The following ARHGAP24 variants were observed in gnomAD, a reference collection of about 807,000 sequenced individuals.
The protein encoded by ARHGAP24 is Rho GTPase activating protein 24, also known as rho GTPase-activating protein 24.
A neutral mutation model predicts 76.4 loss-of-function variants in ARHGAP24; 50 were observed. That is an observed-to-expected ratio of 0.65 (90% CI 0.52 to 0.83). ARHGAP24 has a LOEUF of 0.83. ARHGAP24 is among the 40% of genes least tolerant of loss of function. The pLI, the probability that ARHGAP24 is intolerant of heterozygous loss-of-function variation, is 0.00. For missense variants in ARHGAP24, 930 were observed against 914.2 expected, an observed-to-expected ratio of 1.02 and a Z score of -0.22; for synonymous variants, 345 against 323.3, an observed-to-expected ratio of 1.07 and a Z score of -0.72.
chr4:85,738,176 C>T (rs1359170945), intron 3 of ARHGAP24, among the ~76,000 whole-genome samples: 1 of 152,102 alleles, frequency 6.6e-6, no homozygotes, highest in Admixed American at 6.5e-5. Flanking sequence ...CCACCTTGGC[C>T]TCCCAGAGTA....
chr4:85,546,423 C>G (rs1361048540), intron 1 of ARHGAP24, among the ~76,000 whole-genome samples: 1 of 152,116 alleles, frequency 6.6e-6, no homozygotes, highest in Non-Finnish European at 1.5e-5. Context: ...CCTTTTACCT[C>G]TATGAGTTTT....
At chr4:85,861,873 A>T (rs1371673412) in intron 3 of ARHGAP24, among the ~76,000 whole-genome samples, 2 of 151,996 alleles carry the variant, frequency 1.3e-5, no homozygotes, top group Non-Finnish European at 2.9e-5. Flanking sequence ...TATACTTCTT[A>T]CACACAACAC....
intron 2 of ARHGAP24, among the ~76,000 whole-genome samples, chr4:85,719,459 G>A (rs559814947): frequency 2.0e-5 from 3 of 152,254 alleles, no homozygotes; most frequent in Admixed American, 2.0e-4. Context: ...AAGCCCAGAA[G>A]GAGGGAAATG....
intron 2 of ARHGAP24, among the ~76,000 whole-genome samples, chr4:85,683,123 G>T (rs1302785849): frequency 9.8e-5 from 11 of 112,480 alleles, no homozygotes; most frequent in Non-Finnish European, 1.3e-4. Context: ...GGGGTGGGGG[G>T]GGGGTGCGGG....
At chr4:85,957,779 A>G (rs555547403) in intron 5 of ARHGAP24, among the ~76,000 whole-genome samples, 2 of 152,368 alleles carry the variant, frequency 1.3e-5, no homozygotes, top group South Asian at 4.1e-4. Flanking sequence ...ACAGGCTTTA[A>G]GGAAAAATAT....
At chr4:85,880,775 C>T (rs1225277057) in intron 3 of ARHGAP24, among the ~76,000 whole-genome samples, 1 of 152,100 alleles carries the variant, frequency 6.6e-6, no homozygotes, top group Non-Finnish European at 1.5e-5. Context: ...GTGATCCGCC[C>T]GCCTCGGCCT....
chr4:85,646,140 G>A (rs1431566964), intron 2 of ARHGAP24, among the ~76,000 whole-genome samples: 1 of 151,926 alleles, frequency 6.6e-6, no homozygotes, highest in East Asian at 1.9e-4. Flanking sequence ...CATTATCATT[G>A]ATTAGTATTT....
At chr4:85,707,900 C>A (rs1279549911) in intron 2 of ARHGAP24, among the ~76,000 whole-genome samples, 1 of 152,102 alleles carries the variant, frequency 6.6e-6, no homozygotes, top group East Asian at 1.9e-4. Flanking sequence ...TTGTGTATTT[C>A]TTTTTTAGAA....
At chr4:85,648,701 T>TTTA (rs1489486642) in intron 2 of ARHGAP24, among the ~76,000 whole-genome samples, 2 of 152,110 alleles carry the variant, frequency 1.3e-5, no homozygotes, top group Non-Finnish European at 2.9e-5. Flanking sequence ...AGGAGATAGC[T>TTTA]TGTGATTTAT....
intron 4 of ARHGAP24, among the ~76,000 whole-genome samples, chr4:85,932,177 G>T (rs1736371715): frequency 6.6e-6 from 1 of 152,090 alleles, no homozygotes; most frequent in Non-Finnish European, 1.5e-5. Context: ...ATAATTAAAT[G>T]AGAGATGCAT....
At chr4:85,590,564 T>A (rs1391340171) in intron 2 of ARHGAP24, among the ~76,000 whole-genome samples, 2 of 152,042 alleles carry the variant, frequency 1.3e-5, no homozygotes, top group African/African-American at 4.8e-5. Flanking sequence ...TTCACCATGT[T>A]GGCCAGGCTG....
intron 2 of ARHGAP24, among the ~76,000 whole-genome samples, chr4:85,664,141 T>C (rs1354289392): frequency 6.6e-6 from 1 of 151,508 alleles, no homozygotes; most frequent in Non-Finnish European, 1.5e-5. Context: ...CATCTGGTCC[T>C]GGACTCTTTT....
Position 85,797,304 on chromosome 4 carries a change from C to A in ARHGAP24, c.268+75332C>A, listed in dbSNP as rs577826734. On this transcript the variant is annotated intron_variant, in intron 3 of 9. Transcript: ENST00000395184. ...TCTCCTGCCTCAGCCTCCCCAGCAG[C>A]TGGGACTACAGGCGCCCGCCACCAC... 8.5e-5 allele frequency among the ~76,000 whole-genome samples: 13 copies of A among 152,180 alleles called. No homozygotes were observed. The East Asian group carries it at 2.1e-3, about 25-fold the overall frequency.
intron 3 of ARHGAP24, among the ~76,000 whole-genome samples, chr4:85,787,174 T>C (rs1727882056): frequency 1.3e-5 from 2 of 152,192 alleles, no homozygotes; most frequent in Admixed American, 6.5e-5. Context: ...TTTAATTAAG[T>C]GACTGGAAAG....
intron 3 of ARHGAP24, among the ~76,000 whole-genome samples, chr4:85,877,028 T>A (rs377644038): frequency 1.3e-5 from 2 of 152,356 alleles, no homozygotes; most frequent in South Asian, 2.1e-4. Flanking sequence ...TCAGTTTTCA[T>A]GTAAATCGTC....
intron 3 of ARHGAP24, among the ~76,000 whole-genome samples, chr4:85,798,679 G>A (rs1039163913): frequency 1.3e-5 from 2 of 152,116 alleles, no homozygotes; most frequent in Non-Finnish European, 2.9e-5. Flanking sequence ...CGAAGTTACA[G>A]AATAAATTTT....
At chr4:85,927,083 C>A (rs1424287963) in intron 4 of ARHGAP24, among the ~76,000 whole-genome samples, 3 of 151,800 alleles carry the variant, frequency 2.0e-5, no homozygotes, top group African/African-American at 7.3e-5. Context: ...TCTGAAACAA[C>A]CCAAATGTCC....
chr4:85,665,852 C>G (rs1339847533), intron 2 of ARHGAP24, among the ~76,000 whole-genome samples: 1 of 152,196 alleles, frequency 6.6e-6, no homozygotes, highest in Admixed American at 6.5e-5. Context: ...CCCCCACTCT[C>G]TTCTGGCTTG....
chr4:85,608,993 C>G (rs1329169022), intron 2 of ARHGAP24, among the ~76,000 whole-genome samples: 2 of 152,146 alleles, frequency 1.3e-5, no homozygotes, highest in African/African-American at 4.8e-5. Flanking sequence ...CCTTCAACTT[C>G]TTAGCCTTTT....
Sources: gnomAD v4.1 joint callset for allele counts (sites outside exome capture counted in the v4.1 genomes callset) on GRCh38, gnomAD v4.1.1 for gene constraint, MANE v1.5 for transcripts, NCBI Gene and HGNC (gene_info 2026-07-23, HGNC 2026-07-21) for gene names.